NBAS: variants seen among roughly 807,000 people sequenced by gnomAD.
The protein encoded by NBAS is NBAS subunit of NRZ tethering complex.
A neutral mutation model predicts 302.5 loss-of-function variants in NBAS; 219 were observed. That is an observed-to-expected ratio of 0.72 (90% CI 0.65 to 0.81). The LOEUF (loss-of-function observed/expected upper bound fraction) is 0.81. NBAS is among the 30% of genes least tolerant of loss of function. NBAS has a pLI of 0.00. For missense variants in NBAS, 2,932 were observed against 2,841.6 expected (o/e 1.03, Z -0.72); for synonymous variants, 1,118 against 1,021.6 (o/e 1.09, Z -1.80).
At chr2:15,211,894 G>A (rs1031697458) in intron 48 of NBAS, among the ~76,000 whole-genome samples, 9 of 152,132 alleles carry the variant, frequency 5.9e-5, no homozygotes, top group East Asian at 5.8e-4. Flanking sequence ...TAAACAGAGC[G>A]TCCCTATATC....
chr2:14,870,704 C>G, the NBAS span, among the ~76,000 whole-genome samples: 1 of 150,524 alleles, frequency 6.6e-6, no homozygotes, highest in East Asian at 1.9e-4. Context: ...TATGCAATAA[C>G]ATAAAATTCA....
At chr2:15,554,039 A>C (rs573581006) in intron 4 of NBAS, 22 bp downstream of exon 4, 1 of 1,385,784 alleles carries the variant, frequency 7.2e-7, no homozygotes, top group Non-Finnish European at 1.0e-6. Context: ...ACAGAAAAAC[A>C]TTGAATTTCA....
chr2:15,513,801 C>T (rs374733335), intron 9 of NBAS, among the ~76,000 whole-genome samples: 9 of 149,122 alleles, frequency 6.0e-5, no homozygotes, highest in Non-Finnish European at 1.2e-4. Flanking sequence ...TCAGCCTGGG[C>T]AACATAGTGA....
intron 6 of NBAS, among the ~76,000 whole-genome samples, chr2:15,544,755 T>C (rs1342320880): frequency 6.6e-6 from 1 of 152,226 alleles, no homozygotes; most frequent in Non-Finnish European, 1.5e-5. Context: ...CTCATGCCTG[T>C]AATCCCAGCA....
At chr2:15,361,832 T>G (rs906091319) in intron 32 of NBAS, among the ~76,000 whole-genome samples, 2 of 151,696 alleles carry the variant, frequency 1.3e-5, no homozygotes, top group Admixed American at 1.3e-4. Flanking sequence ...TACAAAAAAT[T>G]AGCCAGGTGT....
chr2:15,401,600 T>G (rs1479410850), intron 26 of NBAS, among the ~76,000 whole-genome samples: 1 of 152,184 alleles, frequency 6.6e-6, no homozygotes, highest in African/African-American at 2.4e-5. Flanking sequence ...ATTTATCATA[T>G]GTGCTAAATT....
intron 31 of NBAS, among the ~76,000 whole-genome samples, chr2:15,367,326 A>G (rs73197099): frequency 0.012 from 1,869 of 152,214 alleles, 36 homozygotes; most frequent in African/African-American, 0.042. Context: ...TCTAGGAACA[A>G]ATGGTACTTA....
At chr2:15,398,242 C>T (rs146699095) in intron 26 of NBAS, among the ~76,000 whole-genome samples, 1 of 152,066 alleles carries the variant, frequency 6.6e-6, no homozygotes, top group African/African-American at 2.4e-5. Context: ...GTCCTGGGCT[C>T]AAGCGATCCT....
At chr2:14,878,016 G>A in the NBAS span, among the ~76,000 whole-genome samples, 2 of 152,066 alleles carry the variant, frequency 1.3e-5, no homozygotes, top group East Asian at 1.9e-4. Context: ...ACCTGCCAGC[G>A]CATTTCCCCA....
intron 44 of NBAS, among the ~76,000 whole-genome samples, chr2:15,274,064 A>G (rs1409524316): frequency 6.6e-6 from 1 of 152,056 alleles, no homozygotes; most frequent in African/African-American, 2.4e-5. Context: ...TGGGGGACAG[A>G]GCGAGACTCC....
At chr2:15,323,534 C>G (rs1473388091) in intron 38 of NBAS, among the ~76,000 whole-genome samples, 1 of 152,162 alleles carries the variant, frequency 6.6e-6, no homozygotes, top group African/African-American at 2.4e-5. Flanking sequence ...GGTTTCACAA[C>G]TGAATTCCCT....
chr2:15,487,845 A>G (rs1680696768), intron 12 of NBAS, among the ~76,000 whole-genome samples: 2 of 152,248 alleles, frequency 1.3e-5, no homozygotes, highest in African/African-American at 4.8e-5. Flanking sequence ...ATCTAGATCC[A>G]ATAAGGGAGA....
At chr2:14,891,693 A>G in the NBAS span, among the ~76,000 whole-genome samples, 2 of 152,206 alleles carry the variant, frequency 1.3e-5, no homozygotes, top group African/African-American at 4.8e-5. Context: ...CTATTAATAT[A>G]AACAAGGAAT....
intron 44 of NBAS, 114 bp downstream of exon 44, chr2:15,275,370 G>T (rs1669524620): frequency 8.0e-7 from 1 of 1,253,098 alleles, no homozygotes. Flanking sequence ...TTTTTAAAAA[G>T]CCAACATGTA....
chr2:15,550,509 T>C (rs1664327083), intron 6 of NBAS, among the ~76,000 whole-genome samples: 1 of 152,178 alleles, frequency 6.6e-6, no homozygotes, highest in Admixed American at 6.5e-5. Context: ...CTGTAGGTCC[T>C]GTAAATAAAA....
At chr2:15,347,075 C>G (rs534875204) in intron 35 of NBAS, among the ~76,000 whole-genome samples, 2 of 152,224 alleles carry the variant, frequency 1.3e-5, no homozygotes, top group African/African-American at 4.8e-5. Flanking sequence ...CACACATATA[C>G]CTATGTAACA....
chr2:15,483,934 G>A (rs1006786626), intron 12 of NBAS, among the ~76,000 whole-genome samples: 1 of 152,062 alleles, frequency 6.6e-6, no homozygotes, highest in Non-Finnish European at 1.5e-5. Context: ...GAAACTAATC[G>A]GTTTGTCTAC....
chr2:15,039,477 C>T, the NBAS span, among the ~76,000 whole-genome samples: 1 of 152,158 alleles, frequency 6.6e-6, no homozygotes, highest in African/African-American at 2.4e-5. Context: ...AGATTAAGGG[C>T]CTCTGGAAAT....
At chr2:15,393,538 G>A (rs935430850) in intron 28 of NBAS, 3 of 379,914 alleles carry the variant, frequency 7.9e-6, no homozygotes, top group African/African-American at 6.4e-5. Context: ...AAAACAGTTT[G>A]GCAGTTTTTG....
Sources: allele counts gnomAD v4.1 joint callset (sites outside exome capture counted in the v4.1 genomes callset), GRCh38; gene constraint gnomAD v4.1.1; transcripts MANE v1.5; gene names NCBI Gene and HGNC (gene_info 2026-07-23, HGNC 2026-07-21).